KCNU1: variants seen among roughly 807,000 people sequenced by gnomAD.
The protein encoded by KCNU1 is potassium channel subfamily U member 1.
KCNU1 carries 93 observed loss-of-function variants against 126.8 expected under a neutral mutation model. That is an observed-to-expected ratio of 0.73 (90% confidence interval 0.62 to 0.87). KCNU1 has a LOEUF of 0.87. KCNU1 is among the 40% of genes least tolerant of loss of function. KCNU1 has a pLI of 0.00. For missense variants in KCNU1, 1,330 were observed against 1,367.1 expected, an observed-to-expected ratio of 0.97 and a Z score of 0.43; for synonymous variants, 523 against 494.2, an observed-to-expected ratio of 1.06 and a Z score of -0.77.
At chr8:36,831,610 G>GTT (rs1403759957) in intron 10 of KCNU1, among the ~76,000 whole-genome samples, 1 of 141,180 alleles carries the variant, frequency 7.1e-6, no homozygotes, top group East Asian at 2.1e-4. Context: ...GGGGTTGTTT[G>GTT]TTTTTTTCTT....
At chr8:36,823,332 T>G (rs548968227) in intron 10 of KCNU1, among the ~76,000 whole-genome samples, 1 of 152,204 alleles carries the variant, frequency 6.6e-6, no homozygotes, top group Non-Finnish European at 1.5e-5. Context: ...TCAGACTTAA[T>G]ATTTCTTCAA....
chr8:36,791,729 C>T (rs1166326994), intron 2 of KCNU1, among the ~76,000 whole-genome samples: 1 of 151,944 alleles, frequency 6.6e-6, no homozygotes, highest in Non-Finnish European at 1.5e-5. Flanking sequence ...GTTTTTTGCT[C>T]ATTTTCCTAA....
chr8:36,806,189 C>G, intron 4 of KCNU1, 80 bp from the exon 5 acceptor site: 1 of 758,410 alleles, frequency 1.3e-6, no homozygotes, highest in Non-Finnish European at 2.2e-6. Flanking sequence ...AAGTAAAATG[C>G]AGCTGAATAA....
chr8:36,847,134 T>C (rs1805180071), intron 18 of KCNU1, among the ~76,000 whole-genome samples: 1 of 152,248 alleles, frequency 6.6e-6, no homozygotes. Context: ...CTATCATTTG[T>C]TACTGAAATC....
At chr8:36,832,575 G>A (rs1368394390) in intron 10 of KCNU1, among the ~76,000 whole-genome samples, 3 of 151,846 alleles carry the variant, frequency 2.0e-5, no homozygotes, top group Admixed American at 2.0e-4. Flanking sequence ...TATATGTATT[G>A]TATCTTCTTT....
intron 18 of KCNU1, among the ~76,000 whole-genome samples, chr8:36,855,459 G>A (rs563441555): frequency 2.0e-5 from 3 of 152,214 alleles, no homozygotes; most frequent in Non-Finnish European, 4.4e-5. Context: ...CTCTTCTTTG[G>A]AAATAAGGCT....
At chr8:36,825,495 G>T (rs1045603847) in intron 10 of KCNU1, among the ~76,000 whole-genome samples, 1 of 151,580 alleles carries the variant, frequency 6.6e-6, no homozygotes, top group African/African-American at 2.4e-5. Context: ...ATCTCTTCTT[G>T]CACCTCTGCT....
At chr8:36,863,506 G>A (rs180795620) in intron 18 of KCNU1, among the ~76,000 whole-genome samples, 6 of 152,244 alleles carry the variant, frequency 3.9e-5, no homozygotes, top group South Asian at 4.1e-4. Context: ...TCTGGCAAGC[G>A]GATCACACAG....
At position 36,815,632 on chromosome 8, in the gene KCNU1, C is replaced by A; in HGVS notation, c.940C>A (p.Leu314Met). Residue 314 changes from leucine to methionine, a missense_variant, in exon 9 of 27, where the codon CTG (leucine) becomes ATG (methionine). By Grantham distance (15) the Leu-to-Met change is conservative (BLOSUM62 2). Around this residue, in one of 3 missense-constraint regions of KCNU1, gnomAD observed 1,054 missense variants for 1,053.9 expected, o/e 1.00. Coordinates refer to ENST00000399881, the MANE Select transcript of KCNU1 (RefSeq NM_001031836.3). ...FANYIPEMVE[L>M]FANKRKYTSS... ...GAACTATATACCTGAAATGGTGGAACTGTTTGCTAACAAGAGGAAATACAC... is the reference window on the plus strand; with the variant it reads ...GAACTATATACCTGAAATGGTGGAAATGTTTGCTAACAAGAGGAAATACAC... The A allele has an allele frequency of 6.3e-7, 1 of 1,595,548 alleles. No homozygotes were observed. Among genetic ancestry groups the A allele is most frequent in the South Asian group, 1.1e-5 (1 of 88,258 alleles).
At chr8:36,859,508 G>T (rs1805652195) in intron 18 of KCNU1, among the ~76,000 whole-genome samples, 1 of 152,116 alleles carries the variant, frequency 6.6e-6, no homozygotes, top group African/African-American at 2.4e-5. Context: ...TGATTACTGT[G>T]GTTGGCGAAA....
At chr8:36,927,178 G>A (rs79429414) in intron 24 of KCNU1, among the ~76,000 whole-genome samples, 1 of 152,026 alleles carries the variant, frequency 6.6e-6, no homozygotes, top group Admixed American at 6.6e-5. Flanking sequence ...TAAATTTTCA[G>A]GCAATTTTAA....
At chr8:36,872,097 C>T (rs1806124043) in intron 19 of KCNU1, among the ~76,000 whole-genome samples, 2 of 152,128 alleles carry the variant, frequency 1.3e-5, no homozygotes, top group African/African-American at 4.8e-5. Flanking sequence ...TGAGTAACAC[C>T]TTATCATCAT....
chr8:36,893,023 A>ATGCTCACTGCAG, intron 19 of KCNU1, among the ~76,000 whole-genome samples: 1 of 152,136 alleles, frequency 6.6e-6, no homozygotes, highest in Non-Finnish European at 1.5e-5. Flanking sequence ...ATGCAGTGGC[A>ATGCTCACTGCAG]TGATCTCAGC....
At chr8:36,877,886 A>G (rs1034014451) in intron 19 of KCNU1, among the ~76,000 whole-genome samples, 4 of 152,026 alleles carry the variant, frequency 2.6e-5, no homozygotes, top group African/African-American at 9.7e-5. Flanking sequence ...ACTATATTCT[A>G]CCCTCTCACT....
intron 2 of KCNU1, among the ~76,000 whole-genome samples, chr8:36,802,279 T>G (rs1006174129): frequency 1.3e-5 from 2 of 152,108 alleles, no homozygotes; most frequent in Non-Finnish European, 2.9e-5. Flanking sequence ...GGAGCTCTGC[T>G]GTTGGAGAAA....
chr8:36,920,223 A>G (rs1808289000), intron 23 of KCNU1, among the ~76,000 whole-genome samples: 1 of 152,156 alleles, frequency 6.6e-6, no homozygotes, highest in Admixed American at 6.5e-5. Context: ...TACTTCCTGC[A>G]GACACCAAAA....
chr8:36,891,095 C>T (rs1806945135), intron 19 of KCNU1, among the ~76,000 whole-genome samples: 1 of 151,506 alleles, frequency 6.6e-6, no homozygotes, highest in Non-Finnish European at 1.5e-5. Context: ...TTATATATGT[C>T]TCTTGTCTGT....
rs1214432543 is a variant in KCNU1, at chr8:36,836,844, A to G, written c.1417A>G (p.Ile473Val). The stretch of plus-strand genomic sequence containing the variant: ...GAACTGGGACACCGGAGACAACATC[A>G]TCTGCTTTGCTGAATTAAAACTTGG... ...SWNWDTGDNI[I>V]CFAELKLGFI... is the part of the protein sequence containing the mutation. The change falls in exon 14 of 27, where the codon ATC becomes GTC. Residue 473 changes from isoleucine (I) to valine (V), a missense_variant. This residue lies in a region of KCNU1 where 1,054 missense variants were observed against 1,053.9 expected (regional missense o/e 1.00). Coordinates refer to ENST00000399881, the MANE Select transcript of KCNU1 (RefSeq NM_001031836.3). The G allele has an allele frequency of 6.2e-7, 1 of 1,613,718 alleles. No individual in the cohort carries two copies. Among genetic ancestry groups the G allele is most frequent in the African/African-American group, 1.3e-5 (1 of 74,914 alleles).
chr8:36,820,614 G>GAA (rs201090907), intron 10 of KCNU1, among the ~76,000 whole-genome samples: 14 of 116,406 alleles, frequency 1.2e-4, no homozygotes, highest in African/African-American at 3.7e-4. Context: ...AGAAAATTCA[G>GAA]AAAAAAAAAA....
Sources: gnomAD v4.1 joint callset for allele counts (sites outside exome capture counted in the v4.1 genomes callset) on GRCh38, gnomAD v4.1.1 for gene constraint, gnomAD v4.1.1 regional missense constraint, MANE v1.5 for transcripts, NCBI Gene and HGNC (gene_info 2026-07-23, HGNC 2026-07-21) for gene names.